CPED1: variants seen among roughly 807,000 people sequenced by gnomAD.
CPED1 encodes the protein cadherin-like and PC-esterase domain-containing protein 1.
In CPED1, 114 loss-of-function variants were observed where a neutral mutation model predicts 128.2. The ratio of observed to expected loss-of-function variants is 0.89; its 90% CI spans 0.76 to 1.04. CPED1 has a LOEUF of 1.04. Ranked by LOEUF, CPED1 falls within the 50% of genes least tolerant of loss-of-function variation. The pLI, the probability that CPED1 is intolerant of heterozygous loss-of-function variation, is 0.00. For missense variants in CPED1, 1,211 were observed against 1,207.1 expected, an observed-to-expected ratio of 1.00 and a Z score of -0.05; for synonymous variants, 462 against 426.7, an observed-to-expected ratio of 1.08 and a Z score of -1.02.
chr7:121,145,072 G>T (rs1415458709), intron 16 of CPED1, among the ~76,000 whole-genome samples: 1 of 151,116 alleles, frequency 6.6e-6, no homozygotes, highest in Non-Finnish European at 1.5e-5. Context: ...TTAATTAACT[G>T]CATTTAAGAT....
At chr7:121,249,064 G>C (rs1449731523) in intron 18 of CPED1, among the ~76,000 whole-genome samples, 1 of 151,986 alleles carries the variant, frequency 6.6e-6, no homozygotes, top group Admixed American at 6.6e-5. Context: ...AATAGACCAG[G>C]CTGAGGAAAG....
intron 18 of CPED1, among the ~76,000 whole-genome samples, chr7:121,250,052 A>C (rs1177297509): frequency 6.6e-6 from 1 of 152,222 alleles, no homozygotes; most frequent in Admixed American, 6.5e-5. Flanking sequence ...CTATTCCAAA[A>C]TTGACCACAT....
intron 18 of CPED1, among the ~76,000 whole-genome samples, chr7:121,248,630 A>G (rs924846466): frequency 6.6e-6 from 1 of 151,974 alleles, no homozygotes; most frequent in Non-Finnish European, 1.5e-5. Flanking sequence ...AGCCACAAAT[A>G]AAGATGCCGT....
Position 121,004,147 on chromosome 7 carries a change from A to G in CPED1, c.250-11518A>G, listed in dbSNP as rs564877144. 2.6e-5 allele frequency among the ~76,000 whole-genome samples: 4 copies of G among 152,306 alleles called. No homozygotes were observed. In the South Asian group the frequency reaches 8.3e-4, roughly 32 times the overall value. The stretch of plus-strand genomic sequence containing the variant: ...GCCACCTGCATGAAGGATGTTGGCT[A>G]TCCATCCTTAACCATCTGTTCAGCT... On this transcript the variant is annotated intron_variant, in intron 2 of 22. Coordinates refer to ENST00000310396, the MANE Select transcript of CPED1 (RefSeq NM_024913.5).
At position 121,217,875 on chromosome 7, in the gene CPED1, T is replaced by C. The variant is rs117869875; in HGVS notation, c.2056-18839T>C. Among the ~76,000 whole-genome samples the C allele has an allele frequency of 8.5e-3, 1,299 of 152,138 alleles. 13 individuals carry two copies. Among genetic ancestry groups the C allele is most frequent in the Middle Eastern group, 0.027 (8 of 294 alleles). On this transcript the variant is annotated intron_variant, in intron 16 of 22. Coordinates refer to ENST00000310396, the MANE Select transcript of CPED1 (RefSeq NM_024913.5). ...TTTCAAAATCCCACAGTGTAAGGGTTACTGGAGGTGTGTACCTGTGTGTGT... is the reference window on the plus strand; with the variant it reads ...TTTCAAAATCCCACAGTGTAAGGGTCACTGGAGGTGTGTACCTGTGTGTGT...
intron 5 of CPED1, among the ~76,000 whole-genome samples, chr7:121,092,955 ACTTATT>A (rs1389651845): frequency 2.0e-5 from 3 of 152,134 alleles, no homozygotes; most frequent in Admixed American, 2.0e-4. Context: ...GACACCATCT[ACTTATT>A]CTTTTAGTCT....
At chr7:121,097,935 T>C (rs985150356) in intron 6 of CPED1, 104 bp downstream of exon 6, 1 of 1,101,170 alleles carries the variant, frequency 9.1e-7, no homozygotes, top group Non-Finnish European at 1.3e-6. Context: ...GTGTGAATTA[T>C]TAGTTTCTCT....
chr7:121,178,538 CA>C (rs1328585388), intron 16 of CPED1, among the ~76,000 whole-genome samples: 1 of 151,908 alleles, frequency 6.6e-6, no homozygotes, highest in African/African-American at 2.4e-5. Context: ...TAAACGTGGA[CA>C]AAAAAGTTGT....
chr7:121,117,749 C>G (rs1376279236), intron 7 of CPED1, among the ~76,000 whole-genome samples: 1 of 152,132 alleles, frequency 6.6e-6, no homozygotes, highest in East Asian at 1.9e-4. Context: ...CTTCACCTTT[C>G]ATACGGATCA....
chr7:121,005,665 G>A (rs1791993143), intron 2 of CPED1, among the ~76,000 whole-genome samples: 1 of 151,596 alleles, frequency 6.6e-6, no homozygotes, highest in Non-Finnish European at 1.5e-5. Flanking sequence ...ATTTAGAAAC[G>A]AACAAACAAA....
chr7:121,032,598 A>G (rs2116862900), intron 3 of CPED1, among the ~76,000 whole-genome samples: 1 of 152,082 alleles, frequency 6.6e-6, no homozygotes, highest in Middle Eastern at 3.4e-3. Context: ...TACCTAATGT[A>G]TGCGGGGCTT....
At position 121,037,908 on chromosome 7, in the gene CPED1, G is replaced by A. The variant is rs577287698; in HGVS notation, c.434-8979G>A. ...TATTATTTTTGCAGCTATTTTGAAA[G>A]GGGTTGAGTTCTTGATTTGATTCTC... On this transcript the variant is annotated intron_variant, in intron 3 of 22. Transcript: ENST00000310396. Among the ~76,000 whole-genome samples the A allele has an allele frequency of 2.8e-4, 43 of 152,240 alleles. 1 individual carries two copies. The highest frequency in any genetic ancestry group is 1.2e-3 in the Admixed American group (19 of 15,280).
At chr7:121,037,993 C>G (rs1378784279) in intron 3 of CPED1, among the ~76,000 whole-genome samples, 1 of 151,912 alleles carries the variant, frequency 6.6e-6, no homozygotes, top group Non-Finnish European at 1.5e-5. Flanking sequence ...ATTTTGTATC[C>G]TGAAACTTTG....
At chr7:121,264,252 C>A (rs775543534) in intron 18 of CPED1, among the ~76,000 whole-genome samples, 32 of 152,024 alleles carry the variant, frequency 2.1e-4, no homozygotes, top group Non-Finnish European at 3.8e-4. Context: ...CTTATGGCAG[C>A]CCTAGGAAAA....
chr7:121,161,472 C>T (rs1796410802), intron 16 of CPED1, among the ~76,000 whole-genome samples: 1 of 152,180 alleles, frequency 6.6e-6, no homozygotes, highest in Non-Finnish European at 1.5e-5. Context: ...CTCTGTCTTT[C>T]CTATCTCTGA....
intron 16 of CPED1, among the ~76,000 whole-genome samples, chr7:121,160,961 C>A (rs534420371): frequency 6.6e-6 from 1 of 151,912 alleles, no homozygotes; most frequent in Non-Finnish European, 1.5e-5. Flanking sequence ...CAGGGATGAC[C>A]CCCAAAAGAT....
In CPED1 at chr7:121,244,239, C is replaced by T; in HGVS notation, c.2211C>T (p.Asn737=). 1.2e-6 allele frequency: 2 copies of T among 1,614,148 alleles called. No individual in the cohort carries two copies. Among genetic ancestry groups the T allele is most frequent in the Non-Finnish European group, 1.7e-6 (2 of 1,180,010 alleles). ...TGCCTTGCCTTAGTTGTTCGGACAA[C>T]AGGACGTGTGACTGGAGAGAAATAA... ...WIVPCLSCSD[N]RTCDWREITW... The change falls in exon 18 of 23, where the codon AAC becomes AAT. Residue 737 remains asparagine, a synonymous_variant. Coordinates refer to ENST00000310396, the MANE Select transcript of CPED1 (RefSeq NM_024913.5).
intron 7 of CPED1, among the ~76,000 whole-genome samples, chr7:121,113,753 A>T (rs184220432): frequency 6.6e-6 from 1 of 152,164 alleles, no homozygotes; most frequent in Non-Finnish European, 1.5e-5. Context: ...CTTGAATTTC[A>T]TGGAATGTAA....
intron 6 of CPED1, 30 bp downstream of exon 6, chr7:121,097,861 C>T: frequency 6.2e-7 from 1 of 1,611,664 alleles, no homozygotes; most frequent in Non-Finnish European, 8.5e-7. Context: ...TTGTTATAAC[C>T]AGCATGCATT....
Sources: gnomAD v4.1 joint callset for allele counts (sites outside exome capture counted in the v4.1 genomes callset) on GRCh38, gnomAD v4.1.1 for gene constraint, MANE v1.5 for transcripts, NCBI Gene and HGNC (gene_info 2026-07-23, HGNC 2026-07-21) for gene names.